The following SLC44A5 variants were observed in gnomAD, a reference collection of about 807,000 sequenced individuals.
SLC44A5 encodes the protein choline transporter-like protein 5.
Under a neutral mutation model 101.8 loss-of-function variants are expected in SLC44A5, and 57 were observed. That is an observed-to-expected ratio of 0.56 (90% CI 0.45 to 0.70). The LOEUF (loss-of-function observed/expected upper bound fraction) is 0.70, where lower values mean the gene tolerates loss of function less well. SLC44A5 is among the 30% of genes least tolerant of loss of function. The probability of loss-of-function intolerance (pLI) is 0.00; values close to 1 mark genes in which losing one functional copy is unlikely to be tolerated. For synonymous variants in SLC44A5, 281 were observed against 290.9 expected (o/e 0.97, Z 0.35); for missense variants, 737 against 853.1 (o/e 0.86, Z 1.70).
At chr1:75,274,322 T>C (rs1216776323) in intron 6 of SLC44A5, among the ~76,000 whole-genome samples, 1 of 152,050 alleles carries the variant, frequency 6.6e-6, no homozygotes, top group Admixed American at 6.6e-5. Context: ...ATATGAGATT[T>C]ATGGGGGGCT....
intron 6 of SLC44A5, among the ~76,000 whole-genome samples, chr1:75,274,436 C>A (rs1309852802): frequency 6.6e-6 from 1 of 152,140 alleles, no homozygotes; most frequent in Non-Finnish European, 1.5e-5. Flanking sequence ...TTTGATGGAA[C>A]ATTCTTCCTT....
intron 4 of SLC44A5, among the ~76,000 whole-genome samples, chr1:75,305,455 CTCTCCA>C (rs1654829491): frequency 6.6e-6 from 1 of 152,170 alleles, no homozygotes; most frequent in Non-Finnish European, 1.5e-5. Context: ...ATTGCAGGAC[CTCTCCA>C]TTACCTATTT....
At chr1:75,665,687 C>T in the SLC44A5 span, among the ~76,000 whole-genome samples, 5 of 152,098 alleles carry the variant, frequency 3.3e-5, no homozygotes, top group Non-Finnish European at 5.9e-5. Context: ...AAAATATTCG[C>T]AAACTATACA....
the SLC44A5 span, among the ~76,000 whole-genome samples, chr1:75,655,811 A>G: frequency 6.6e-6 from 1 of 151,670 alleles, no homozygotes; most frequent in East Asian, 1.9e-4. Context: ...GAAGGGAAAG[A>G]GAGGTAGAAA....
chr1:75,428,037 G>C lies in SLC44A5; in HGVS notation c.14-31416C>G, dbSNP rs1249784. Among the ~76,000 whole-genome samples the C allele has an allele frequency of 5.7e-3, 865 of 152,078 alleles. 8 individuals are homozygous for C. Among genetic ancestry groups the C allele is most frequent in the African/African-American group, 0.02 (831 of 41,498 alleles). The stretch of plus-strand genomic sequence containing the variant: ...ATTCTCCAGAGTGCTCACTTCCCTC[G>C]AGTACGGCAAGGAGGAATGTTTGAT... On this transcript the variant is annotated intron_variant, in intron 2 of 23. Coordinates refer to ENST00000370859, the MANE Select transcript of SLC44A5 (RefSeq NM_001130058.2).
chr1:75,331,399 T>C (rs574590485), intron 4 of SLC44A5, among the ~76,000 whole-genome samples: 20 of 152,146 alleles, frequency 1.3e-4, no homozygotes, highest in Non-Finnish European at 2.2e-4. Context: ...ATTTTTTCTC[T>C]TGCTTTTCAC....
chr1:75,722,183 A>G, the SLC44A5 span, among the ~76,000 whole-genome samples: 1 of 152,214 alleles, frequency 6.6e-6, no homozygotes, highest in African/African-American at 2.4e-5. Context: ...AAATATTTGA[A>G]TCTAGGTGAT....
chr1:75,508,302 A>G (rs1285874906), intron 2 of SLC44A5, among the ~76,000 whole-genome samples: 1 of 152,212 alleles, frequency 6.6e-6, no homozygotes, highest in Non-Finnish European at 1.5e-5. Flanking sequence ...TCTTTGGAAT[A>G]AATGAAAACA....
the SLC44A5 span, among the ~76,000 whole-genome samples, chr1:75,623,708 G>A: frequency 2.8e-4 from 42 of 151,920 alleles, no homozygotes; most frequent in African/African-American, 9.2e-4. Context: ...CAGAGAAATG[G>A]TATAATATAA....
chr1:75,401,142 G>T (rs1662450697), intron 2 of SLC44A5, among the ~76,000 whole-genome samples: 1 of 152,202 alleles, frequency 6.6e-6, no homozygotes, highest in South Asian at 2.1e-4. Flanking sequence ...TGAGAAAGAG[G>T]CTGGTTATAA....
chr1:75,422,261 G>A (rs576495169), intron 2 of SLC44A5, among the ~76,000 whole-genome samples: 13 of 152,270 alleles, frequency 8.5e-5, no homozygotes, highest in Non-Finnish European at 2.9e-5. Flanking sequence ...TAAGAGATAT[G>A]ATTTCTATCA....
At chr1:75,421,051 A>G (rs1663972807) in intron 2 of SLC44A5, among the ~76,000 whole-genome samples, 1 of 152,102 alleles carries the variant, frequency 6.6e-6, no homozygotes, top group South Asian at 2.1e-4. Flanking sequence ...CAGAGGGGGA[A>G]ATAGTTGTGT....
chr1:75,696,947 A>G, the SLC44A5 span, among the ~76,000 whole-genome samples: 2 of 151,834 alleles, frequency 1.3e-5, no homozygotes, highest in African/African-American at 4.8e-5. Context: ...TGCGATCAGG[A>G]GTGGGCCAGA....
intron 2 of SLC44A5, among the ~76,000 whole-genome samples, chr1:75,433,553 G>C (rs1275345726): frequency 1.3e-5 from 2 of 152,086 alleles, no homozygotes; most frequent in Non-Finnish European, 2.9e-5. Context: ...TCCAATGGGA[G>C]ATCTCACCCA....
intron 1 of SLC44A5, among the ~76,000 whole-genome samples, chr1:75,543,282 C>T (rs181145211): frequency 1.3e-5 from 2 of 152,174 alleles, no homozygotes; most frequent in African/African-American, 2.4e-5. Flanking sequence ...CAAGGCACCC[C>T]TAGCTCTTAT....
chr1:75,660,930 T>C, the SLC44A5 span, among the ~76,000 whole-genome samples: 25 of 152,156 alleles, frequency 1.6e-4, no homozygotes, highest in African/African-American at 5.8e-4. Flanking sequence ...AATCTGCAGA[T>C]TTAATGCTAT....
At position 75,216,939 on chromosome 1, in the gene SLC44A5, A is replaced by G. The variant is rs538841275; in HGVS notation, c.1624+927T>C. ...CTCTCTTGGTAGTGTTCTTTGTTGA[A>G]TAAATGTTTTTAAATTTGATGAAGT... On this transcript the variant is annotated intron_variant, in intron 18 of 23. Transcript: ENST00000370859. Among the ~76,000 whole-genome samples the G allele has an allele frequency of 8.5e-5, 13 of 152,102 alleles. No individual in the cohort carries two copies. The East Asian group carries it at 2.5e-3, about 29-fold the overall frequency.
At chr1:75,721,493 T>C in the SLC44A5 span, among the ~76,000 whole-genome samples, 25 of 152,258 alleles carry the variant, frequency 1.6e-4, no homozygotes, top group Non-Finnish European at 3.4e-4. Context: ...TCTTCCAGTG[T>C]GGCCCAGGGA....
the SLC44A5 span, among the ~76,000 whole-genome samples, chr1:75,635,662 G>A: frequency 5.4e-5 from 7 of 128,950 alleles, no homozygotes; most frequent in Non-Finnish European, 1.1e-4. Context: ...GTTGTGGGGT[G>A]GGGGGAGGGG....
Sources: gnomAD v4.1 joint callset for allele counts (sites outside exome capture counted in the v4.1 genomes callset) on GRCh38, gnomAD v4.1.1 for gene constraint, MANE v1.5 for transcripts, NCBI Gene and HGNC (gene_info 2026-07-23, HGNC 2026-07-21) for gene names.